NSMCE2: variants seen among roughly 807,000 people sequenced by gnomAD.
NSMCE2 encodes E3 SUMO-protein ligase NSE2.
Under a neutral mutation model 23.8 loss-of-function variants are expected in NSMCE2, and 24 were observed. That is an observed-to-expected ratio of 1.01 (90% CI 0.73 to 1.42). NSMCE2 has a LOEUF of 1.42. Among genes scored for constraint, NSMCE2 ranks in the 40% most tolerant of loss-of-function variants. The pLI, the probability that NSMCE2 is intolerant of heterozygous loss-of-function variation, is 0.00. For missense variants in NSMCE2, 284 were observed against 296.5 expected (o/e 0.96, Z 0.31); for synonymous variants, 92 against 94.1 (o/e 0.98, Z 0.13).
intron 5 of NSMCE2, among the ~76,000 whole-genome samples, chr8:125,313,652 T>TC (rs779921684): frequency 2.0e-5 from 3 of 152,334 alleles, no homozygotes; most frequent in South Asian, 4.1e-4. Context: ...ATCCTGTGCC[T>TC]TCTACATCCA....
chr8:125,290,268 T>C (rs903500493), intron 5 of NSMCE2, among the ~76,000 whole-genome samples: 5 of 151,826 alleles, frequency 3.3e-5, no homozygotes, highest in Non-Finnish European at 7.4e-5. Flanking sequence ...AGTCAAAACG[T>C]GACTGAAAGG....
intron 5 of NSMCE2, among the ~76,000 whole-genome samples, chr8:125,203,418 C>T (rs989626754): frequency 1.3e-5 from 2 of 152,344 alleles, no homozygotes. Flanking sequence ...AAATAAGCCA[C>T]ATGGCTCCAC....
At chr8:125,118,153 C>T (rs887937882) in intron 3 of NSMCE2, among the ~76,000 whole-genome samples, 2 of 152,038 alleles carry the variant, frequency 1.3e-5, no homozygotes, top group Non-Finnish European at 2.9e-5. Flanking sequence ...TGACCTCAGC[C>T]TGGCCAACAT....
chr8:125,345,869 T>C (rs1203812933), intron 5 of NSMCE2, among the ~76,000 whole-genome samples: 1 of 152,186 alleles, frequency 6.6e-6, no homozygotes, highest in Admixed American at 6.5e-5. Context: ...TAGAAGGCCA[T>C]GGTCAGCCAG....
chr8:125,357,673 A>G, intron 6 of NSMCE2, 39 bp from the exon 7 acceptor site: 1 of 1,458,064 alleles, frequency 6.9e-7, no homozygotes, highest in Non-Finnish European at 9.6e-7. Flanking sequence ...GAAGTTGATC[A>G]TTATCATTCC....
At chr8:125,174,155 A>G (rs1822358342) in intron 4 of NSMCE2, among the ~76,000 whole-genome samples, 1 of 151,858 alleles carries the variant, frequency 6.6e-6, no homozygotes, top group Non-Finnish European at 1.5e-5. Context: ...CCTTCCCAAC[A>G]CTTTTTATAG....
At chr8:125,327,265 CAAAAAA>C (rs59574355) in intron 5 of NSMCE2, among the ~76,000 whole-genome samples, 58,725 of 119,644 alleles carry the variant, frequency 0.49, 13,628 homozygotes, top group East Asian at 0.59. Context: ...GACTCCATCT[CAAAAAA>C]AAAAAAAAAA....
At chr8:125,192,428 A>G (rs1269153870) in intron 5 of NSMCE2, among the ~76,000 whole-genome samples, 2 of 151,970 alleles carry the variant, frequency 1.3e-5, no homozygotes, top group South Asian at 2.1e-4. Context: ...TTACTCATTA[A>G]CTATCTGAAA....
chr8:125,169,214 C>CTATTTA, intron 4 of NSMCE2, among the ~76,000 whole-genome samples: 2 of 152,318 alleles, frequency 1.3e-5, no homozygotes, highest in East Asian at 3.9e-4. Flanking sequence ...CTCAGTAAAG[C>CTATTTA]CTGCTATTCC....
intron 3 of NSMCE2, among the ~76,000 whole-genome samples, chr8:125,131,095 A>G (rs1819752448): frequency 6.6e-6 from 1 of 152,144 alleles, no homozygotes; most frequent in African/African-American, 2.4e-5. Flanking sequence ...TGCATTTGCA[A>G]TACAGTTACA....
At chr8:125,265,501 A>T (rs1826874294) in intron 5 of NSMCE2, among the ~76,000 whole-genome samples, 1 of 152,210 alleles carries the variant, frequency 6.6e-6, no homozygotes, top group South Asian at 2.1e-4. Flanking sequence ...GATTACAAGC[A>T]TGAGCCACTG....
intron 5 of NSMCE2, among the ~76,000 whole-genome samples, chr8:125,304,956 G>GAAGA (rs1355185498): frequency 7.3e-6 from 1 of 136,756 alleles, no homozygotes; most frequent in South Asian, 2.5e-4. Context: ...AGGAAGGAAG[G>GAAGA]AAGAAAGAAA....
intron 5 of NSMCE2, among the ~76,000 whole-genome samples, chr8:125,344,013 C>G (rs1830344447): frequency 1.3e-5 from 2 of 151,734 alleles, no homozygotes; most frequent in South Asian, 4.1e-4. Flanking sequence ...CTCAAACAAA[C>G]AACAAAAAAA....
intron 5 of NSMCE2, among the ~76,000 whole-genome samples, chr8:125,266,026 A>G (rs890039445): frequency 1.3e-5 from 2 of 151,672 alleles, no homozygotes. Flanking sequence ...AAATCCTGTG[A>G]CCCGAATAAA....
At chr8:125,157,348 A>G (rs370290327) in intron 4 of NSMCE2, among the ~76,000 whole-genome samples, 2 of 152,178 alleles carry the variant, frequency 1.3e-5, no homozygotes, top group East Asian at 3.8e-4. Context: ...AACTCTTAAC[A>G]TGTTTCTTAT....
chr8:125,153,056 CAAAA>C (rs768246218), intron 4 of NSMCE2, among the ~76,000 whole-genome samples: 2 of 47,458 alleles, frequency 4.2e-5, no homozygotes, highest in Non-Finnish European at 4.9e-5. Context: ...GACTCCGTCT[CAAAA>C]AAAAAAAAAA....
In NSMCE2 at chr8:125,182,684, C is replaced by G. The variant is rs564878669; in HGVS notation, c.418+428C>G. The G allele has an allele frequency of 1.2e-4, 24 of 198,706 alleles. No homozygotes were observed. In the South Asian group the frequency reaches 3.9e-3, roughly 32 times the overall value. The allele number at this position is 198,706 out of a possible 1,614,324, so 12.3% of individuals were successfully genotyped here. ...TTAGCTATGTTTTCTCTCAGAAGAC[C>G]ACTTTATCTTCTCAACTATAGACCA... On this transcript the variant is annotated intron_variant, in intron 5 of 7. Coordinates refer to ENST00000287437, the MANE Select transcript of NSMCE2 (RefSeq NM_173685.4).
intron 7 of NSMCE2, among the ~76,000 whole-genome samples, chr8:125,359,336 T>C (rs372325188): frequency 0.012 from 1,762 of 148,046 alleles, 17 homozygotes; most frequent in Middle Eastern, 0.017. Flanking sequence ...TTCTCTTTTT[T>C]TTTTTTTTTT....
chr8:125,203,039 G>T (rs1040795351), intron 5 of NSMCE2, among the ~76,000 whole-genome samples: 1 of 152,122 alleles, frequency 6.6e-6, no homozygotes, highest in Non-Finnish European at 1.5e-5. Flanking sequence ...ATGAAAACAT[G>T]AATATTTGTT....
Sources: gnomAD v4.1 joint callset for allele counts (sites outside exome capture counted in the v4.1 genomes callset) on GRCh38, gnomAD v4.1.1 for gene constraint, MANE v1.5 for transcripts, NCBI Gene and HGNC (gene_info 2026-07-23, HGNC 2026-07-21) for gene names.